ABCC9: variants seen among roughly 807,000 people sequenced by gnomAD.
ABCC9 encodes ATP binding cassette subfamily C member 9.
In ABCC9, 95 loss-of-function variants were observed where a neutral mutation model predicts 188.3. The observed-to-expected ratio is 0.50, with a 90% CI of 0.43 to 0.60. The LOEUF is 0.60. Ranked by LOEUF, ABCC9 falls within the 20% of genes least tolerant of loss-of-function variation. The pLI is 0.00. For synonymous variants in ABCC9, 659 were observed against 652.7 expected (o/e 1.01, Z -0.15); for missense variants, 1,102 against 1,876.3 (o/e 0.59, Z 7.62).
rs367697857 is a variant in ABCC9, at chr12:21,807,498, C to T, written c.4316-19G>A. The T allele has an allele frequency of 8.8e-5, 142 of 1,613,384 alleles. No individual in the cohort carries two copies. The highest frequency in any genetic ancestry group is 1.0e-4 in the Non-Finnish European group (121 of 1,179,592). On this transcript the variant is annotated intron_variant, in intron 37 of 39. Coordinates refer to ENST00000261200, the MANE Select transcript of ABCC9 (RefSeq NM_020297.4). ...ACCGCATCTAAATCAGAGAAAGAAG[C>T]AAGGATTTCACTAAAGAAATGCTAC... is the stretch of plus-strand genomic sequence containing the variant.
intron 15 of ABCC9, among the ~76,000 whole-genome samples, chr12:21,884,728 A>G (rs1307473457): frequency 6.6e-6 from 1 of 152,210 alleles, no homozygotes; most frequent in Non-Finnish European, 1.5e-5. Context: ...AAGATTAGAA[A>G]GTAAGACACT....
At chr12:21,859,349 A>G (rs1471992829) in intron 22 of ABCC9, among the ~76,000 whole-genome samples, 2 of 152,110 alleles carry the variant, frequency 1.3e-5, no homozygotes, top group Non-Finnish European at 2.9e-5. Context: ...CAGAAAAACA[A>G]CCACTTAGGG....
intron 30 of ABCC9, among the ~76,000 whole-genome samples, chr12:21,830,829 C>T (rs1943711316): frequency 6.6e-6 from 1 of 152,160 alleles, no homozygotes; most frequent in South Asian, 2.1e-4. Flanking sequence ...GCCTGAATGG[C>T]AGCACTCATG....
At position 21,842,451 on chromosome 12, in the gene ABCC9, T is replaced by G. The variant is rs1356618477; in HGVS notation, c.3336A>C (p.Glu1112Asp). 6.2e-7 allele frequency: 1 copy of G among 1,614,026 alleles called. No individual in the cohort carries two copies. Among genetic ancestry groups the G allele is most frequent in the Non-Finnish European group, 8.5e-7 (1 of 1,179,986 alleles). ...AGAGCAGTGTTGAGCGAGTTAGAGA[T>G]TCCAAGGTTGGAGGGATGTGCTATT... ...IIDQHIPPTL[E>D]SLTRSTLLCL... The change falls in exon 29 of 40, where the codon GAA (glutamate) becomes GAC (aspartate). Residue 1112 changes from glutamate (E) to aspartate (D), a missense_variant. Coordinates refer to ENST00000261200, the MANE Select transcript of ABCC9 (RefSeq NM_020297.4).
At chr12:21,937,083 T>A (rs1178799390) in intron 2 of ABCC9, among the ~76,000 whole-genome samples, 1 of 152,144 alleles carries the variant, frequency 6.6e-6, no homozygotes, top group East Asian at 1.9e-4. Flanking sequence ...TTCAAATATT[T>A]TCCCATACTC....
At chr12:21,922,751 C>CTTTTTTT (rs143763191) in intron 5 of ABCC9, among the ~76,000 whole-genome samples, 1 of 119,120 alleles carries the variant, frequency 8.4e-6, no homozygotes. Context: ...TTTTTTTTTT[C>CTTTTTTT]TTTTTTTTTT....
chr12:21,856,641 T>C (rs1452146043), intron 22 of ABCC9, among the ~76,000 whole-genome samples: 1 of 152,154 alleles, frequency 6.6e-6, no homozygotes, highest in Non-Finnish European at 1.5e-5. Flanking sequence ...TCCTTAAAGA[T>C]ATAAGTAATG....
intron 8 of ABCC9, among the ~76,000 whole-genome samples, chr12:21,911,699 T>C (rs1198309146): frequency 1.3e-5 from 2 of 152,024 alleles, no homozygotes; most frequent in Non-Finnish European, 2.9e-5. Flanking sequence ...AGAATTCTAC[T>C]TCTGGTCCCT....
chr12:21,891,130 A>G (rs1947141982), intron 14 of ABCC9, among the ~76,000 whole-genome samples: 1 of 152,156 alleles, frequency 6.6e-6, no homozygotes, highest in Non-Finnish European at 1.5e-5. Context: ...TGGTCTGTCT[A>G]ACTAGGCTGT....
chr12:21,861,077 AT>A (rs758873511), intron 20 of ABCC9, 22 bp from the exon 21 acceptor site: 2 of 1,586,312 alleles, frequency 1.3e-6, no homozygotes, highest in Non-Finnish European at 1.7e-6. Context: ...ATGATTTTGA[AT>A]TTTTAGATCT....
chr12:21,909,558 A>G (rs192247122), intron 10 of ABCC9, among the ~76,000 whole-genome samples: 2 of 152,106 alleles, frequency 1.3e-5, no homozygotes, highest in Non-Finnish European at 2.9e-5. Context: ...ATGTTATTTT[A>G]CATAGGAAAT....
intron 12 of ABCC9, among the ~76,000 whole-genome samples, chr12:21,904,922 T>C (rs1393640096): frequency 6.6e-6 from 1 of 152,190 alleles, no homozygotes; most frequent in Admixed American, 6.5e-5. Context: ...AGCAATCCCA[T>C]TACTGGGTAT....
chr12:21,891,731 AT>A (rs1157399255), intron 14 of ABCC9, among the ~76,000 whole-genome samples: 1 of 152,176 alleles, frequency 6.6e-6, no homozygotes, highest in Non-Finnish European at 1.5e-5. Flanking sequence ...AAGTTTCTAA[AT>A]GTATTTAAGA....
At chr12:21,929,762 T>C in intron 4 of ABCC9, among the ~76,000 whole-genome samples, 1 of 152,150 alleles carries the variant, frequency 6.6e-6, no homozygotes, top group East Asian at 1.9e-4. Context: ...GAGTGTGTTA[T>C]CATTCCTCTT....
chr12:21,911,683 C>T (rs1480864608), intron 8 of ABCC9, among the ~76,000 whole-genome samples: 1 of 151,912 alleles, frequency 6.6e-6, no homozygotes, highest in Non-Finnish European at 1.5e-5. Context: ...ATGATTTAGA[C>T]CTAGTAGAAT....
chr12:21,921,445 T>G (rs1948816232), intron 5 of ABCC9, among the ~76,000 whole-genome samples: 1 of 152,124 alleles, frequency 6.6e-6, no homozygotes, highest in South Asian at 2.1e-4. Flanking sequence ...TAGAGTTGTT[T>G]GAGCTCCTTA....
chr12:21,896,100 C>CT (rs1565458198), intron 12 of ABCC9, among the ~76,000 whole-genome samples: 3 of 25,138 alleles, frequency 1.2e-4, no homozygotes, highest in Non-Finnish European at 2.0e-4. Flanking sequence ...TTTTTTTTTA[C>CT]TTTTCTTTTT....
rs141713072 is a variant in ABCC9 at position 21,803,450 on chromosome 12, G to C, written c.4513-2269C>G. On this transcript the variant is annotated intron_variant, in intron 39 of 39. Transcript: ENST00000261200. ...AGGCGGGCGGATCACAAGGTCAGGG[G>C]TTCAAGACCAGCCTGACCAAAATGA... Among the ~76,000 whole-genome samples the C allele has an allele frequency of 1.7e-3, 258 of 152,124 alleles. 10 individuals carry two copies. In the East Asian group the frequency reaches 0.044, roughly 26 times the overall value.
intron 8 of ABCC9, 51 bp downstream of exon 8, chr12:21,912,821 C>A (rs377693742): frequency 1.1e-5 from 17 of 1,578,764 alleles, no homozygotes; most frequent in Non-Finnish European, 1.5e-5. Context: ...GTGACAATTA[C>A]AATGAAATCC....
Sources: allele counts gnomAD v4.1 joint callset (sites outside exome capture counted in the v4.1 genomes callset), GRCh38; gene constraint gnomAD v4.1.1; transcripts MANE v1.5; gene names NCBI Gene and HGNC (gene_info 2026-07-23, HGNC 2026-07-21).